The following TRIM35 variants were observed in gnomAD, a reference collection of about 807,000 sequenced individuals.
TRIM35 encodes E3 ubiquitin-protein ligase TRIM35.
TRIM35 carries 37 observed loss-of-function variants against 49.1 expected under a neutral mutation model. That is an observed-to-expected ratio of 0.75 (90% CI 0.58 to 0.99). The LOEUF (loss-of-function observed/expected upper bound fraction) is 0.99. Ranked by LOEUF, TRIM35 falls within the 50% of genes least tolerant of loss-of-function variation. TRIM35 has a pLI of 0.00. For synonymous variants in TRIM35, 302 were observed against 289.3 expected (o/e 1.04, Z -0.45); for missense variants, 648 against 702.7 (o/e 0.92, Z 0.88).
intron 1 of TRIM35, chr8:27,304,765 C>T (rs1362825263): frequency 8.9e-6 from 4 of 449,084 alleles, no homozygotes; most frequent in Non-Finnish European, 1.8e-5. Context: ...ATATACCTTG[C>T]CTCCTGGACT....
At chr8:27,295,718 G>T (rs539384459) in intron 2 of TRIM35, among the ~76,000 whole-genome samples, 1 of 152,244 alleles carries the variant, frequency 6.6e-6, no homozygotes, top group East Asian at 1.9e-4. Flanking sequence ...TCTACTGAAT[G>T]CATATTGCTT....
chr8:27,287,221 G>C lies in TRIM35; in HGVS notation c.*329C>G, dbSNP rs1304126981. On this transcript the variant is annotated 3_prime_UTR_variant, in exon 6 of 6. Transcript: ENST00000305364. This position sits in a 1 kb window ranked among gnomAD's most constrained non-coding sequence, Gnocchi z 6.0. ...CAATGGCTTTACCACACCTCGATGA[G>C]ATGGTTTACAACAGGCCCATTCTAG... 3.8e-6 allele frequency: 1 copy of C among 260,184 alleles called. No individual in the cohort carries two copies. The highest frequency in any genetic ancestry group is 8.7e-5 in the East Asian group (1 of 11,558). 16.1% of individuals were successfully genotyped at this position (260,184 alleles called of 1,614,324 possible).
chr8:27,294,790 T>C (rs894602743), intron 2 of TRIM35, among the ~76,000 whole-genome samples: 2 of 151,868 alleles, frequency 1.3e-5, no homozygotes, highest in South Asian at 2.1e-4. Flanking sequence ...TAAAATAATA[T>C]ACACACTCCA....
chr8:27,310,651 A>T, intron 1 of TRIM35, 150 bp downstream of exon 1: 1 of 891,790 alleles, frequency 1.1e-6, no homozygotes, highest in Non-Finnish European at 1.7e-6. Context: ...CAGCCCTGAG[A>T]ACCTGGGTCG....
intron 2 of TRIM35, among the ~76,000 whole-genome samples, chr8:27,295,693 A>T (rs1258314551): frequency 2.0e-5 from 3 of 152,202 alleles, no homozygotes; most frequent in Admixed American, 6.5e-5. Context: ...TTGTATGGGT[A>T]CTCAAAGTAC....
At chr8:27,297,240 T>C (rs1281718420) in intron 2 of TRIM35, among the ~76,000 whole-genome samples, 1 of 152,204 alleles carries the variant, frequency 6.6e-6, no homozygotes, top group Non-Finnish European at 1.5e-5. Flanking sequence ...CGCAGGCTCC[T>C]GAGGACAGCG....
chr8:27,311,231 T>A lies in TRIM35; in HGVS notation c.5A>T (p.Glu2Val). 1 of 1,535,938 alleles carries A rather than the reference T, an allele frequency of 6.5e-7. No homozygotes were observed. The highest frequency in any genetic ancestry group is 1.2e-5 in the South Asian group (1 of 80,384). Residue 2 changes from glutamate (E) to valine (V), a missense_variant, in exon 1 of 6, where the codon GAG becomes GTG. By Grantham distance (121) the Glu-to-Val change is moderately radical. Coordinates refer to ENST00000305364, the MANE Select transcript of TRIM35 (RefSeq NM_171982.5). ...CCCGGGGGACACGTCGGGACTCCGCTCCATGGCACGAGCAGCCGGCTCGGG... is the reference window on the plus strand; with the variant it reads ...CCCGGGGGACACGTCGGGACTCCGCACCATGGCACGAGCAGCCGGCTCGGG... MERSPDVSPGPS... is the reference protein window; with the variant it reads MVRSPDVSPGPS...
intron 3 of TRIM35, among the ~76,000 whole-genome samples, chr8:27,291,213 T>C (rs1338429114): frequency 6.6e-6 from 1 of 150,746 alleles, no homozygotes; most frequent in East Asian, 2.0e-4. Flanking sequence ...AACTCAACAA[T>C]AAAAAGACAA....
chr8:27,302,803 T>G (rs1802705667), intron 1 of TRIM35, among the ~76,000 whole-genome samples: 1 of 152,252 alleles, frequency 6.6e-6, no homozygotes, highest in Admixed American at 6.5e-5. Flanking sequence ...ATACTTATGA[T>G]TTAACTGTAG....
intron 1 of TRIM35, chr8:27,304,858 T>C (rs1586054873): frequency 2.2e-6 from 1 of 453,834 alleles, no homozygotes; most frequent in Middle Eastern, 3.3e-4. Context: ...TCTCTTCGGC[T>C]ATCAGGCTCC....
chr8:27,293,627 G>A (rs1321840329), intron 3 of TRIM35, among the ~76,000 whole-genome samples: 2 of 152,124 alleles, frequency 1.3e-5, no homozygotes, highest in East Asian at 1.9e-4. Context: ...ATCACTTGAG[G>A]CCAGGGATTC....
intron 3 of TRIM35, among the ~76,000 whole-genome samples, chr8:27,293,665 C>T (rs1175443384): frequency 6.6e-6 from 1 of 151,858 alleles, no homozygotes; most frequent in Non-Finnish European, 1.5e-5. Flanking sequence ...CATAGTGAGA[C>T]CCCCCTCACC....
Position 27,289,298 on chromosome 8 carries a change from G to T in TRIM35, c.786-18C>A. The T allele has an allele frequency of 6.2e-7, 1 of 1,605,796 alleles. No homozygotes were observed. The highest frequency in any genetic ancestry group is 8.5e-7 in the Non-Finnish European group (1 of 1,172,560). On this transcript the variant is annotated intron_variant, in intron 4 of 5. Transcript: ENST00000305364. Reference sequence around the variant, plus strand: ...AGAAGAGTCTGGAAAAGTACAATGGGTATGGTGGGCAGGGCCAGAGCCATG... The same window carrying T: ...AGAAGAGTCTGGAAAAGTACAATGGTTATGGTGGGCAGGGCCAGAGCCATG...
chr8:27,289,302 G>A (rs1161323974), intron 4 of TRIM35, 22 bp from the exon 5 acceptor site: 2 of 1,604,358 alleles, frequency 1.2e-6, no homozygotes, highest in South Asian at 2.2e-5. Context: ...CAATGGGTAT[G>A]GTGGGCAGGG....
At chr8:27,300,910 C>T (rs1563442929) in intron 1 of TRIM35, among the ~76,000 whole-genome samples, 1 of 152,116 alleles carries the variant, frequency 6.6e-6, no homozygotes, top group Non-Finnish European at 1.5e-5. Context: ...AGCAGCTGTC[C>T]ATACGCATTA....
intron 3 of TRIM35, among the ~76,000 whole-genome samples, chr8:27,292,514 A>G (rs1032922125): frequency 6.6e-6 from 1 of 152,254 alleles, no homozygotes; most frequent in African/African-American, 2.4e-5. Flanking sequence ...TGATGTTTCA[A>G]AATATGCTGA....
chr8:27,309,993 A>C (rs915908845), intron 1 of TRIM35, among the ~76,000 whole-genome samples: 1 of 152,092 alleles, frequency 6.6e-6, no homozygotes, highest in Non-Finnish European at 1.5e-5. Flanking sequence ...AAAAAAAAAA[A>C]AAAACAAAGG....
Position 27,297,936 on chromosome 8 carries a change from C to T in TRIM35, c.531+528G>A, listed in dbSNP as rs563043200. 3.3e-5 allele frequency among the ~76,000 whole-genome samples: 5 copies of T among 152,104 alleles called. No individual in the cohort carries two copies. The East Asian group carries it at 5.8e-4, about 18-fold the overall frequency. ...GGCAGTTTTAAGCAGAGGAGGGGCA[C>T]GGCTGGTGTTTTTTTCTAAACGATC... On this transcript the variant is annotated intron_variant, in intron 2 of 5. Transcript: ENST00000305364.
rs571199795 is a variant in TRIM35, at chr8:27,302,349, G to A, written c.436-3790C>T. 2.0e-3 allele frequency among the ~76,000 whole-genome samples: 303 copies of A among 152,058 alleles called. 1 individual carries two copies. Among genetic ancestry groups the A allele is most frequent in the Non-Finnish European group, 3.6e-3 (248 of 67,976 alleles). On this transcript the variant is annotated intron_variant, in intron 1 of 5. Coordinates refer to ENST00000305364, the MANE Select transcript of TRIM35 (RefSeq NM_171982.5). ...ATATTTTTCCCTATCAGAGTTTTGC[G>A]TATCTTTTATTAATTTCTTCCTAGT... is the stretch of plus-strand genomic sequence containing the variant.
Sources: gnomAD v4.1 joint callset for allele counts (sites outside exome capture counted in the v4.1 genomes callset) on GRCh38, gnomAD v4.1.1 for gene constraint, Gnocchi (gnomAD v3.1) non-coding constraint, MANE v1.5 for transcripts, NCBI Gene and HGNC (gene_info 2026-07-23, HGNC 2026-07-21) for gene names.